Variants in EHMT1 observed in about 807,000 individuals in gnomAD.
EHMT1 encodes histone-lysine N-methyltransferase EHMT1.
A neutral mutation model predicts 147.2 loss-of-function variants in EHMT1; 15 were observed. The ratio of observed to expected loss-of-function variants is 0.10; its 90% CI spans 0.07 to 0.16. The LOEUF (loss-of-function observed/expected upper bound fraction) is 0.16, where lower values mean the gene tolerates loss of function less well. EHMT1 is among the 10% of genes least tolerant of loss of function. The pLI, the probability that EHMT1 is intolerant of heterozygous loss-of-function variation, is 1.00. For synonymous variants in EHMT1, 795 were observed against 709.6 expected (o/e 1.12, Z -1.91); for missense variants, 1,587 against 1,772.4 (o/e 0.90, Z 1.88).
intron 3 of EHMT1, among the ~76,000 whole-genome samples, chr9:137,718,064 G>A (rs981697257): frequency 6.9e-6 from 1 of 144,330 alleles, no homozygotes; most frequent in Non-Finnish European, 1.5e-5. Flanking sequence ...CACCCCTCAC[G>A]CACTGTGATG....
chr9:137,832,618 G>A, intron 25 of EHMT1: 1 of 154,894 alleles, frequency 6.5e-6, no homozygotes, highest in Non-Finnish European at 1.4e-5. Context: ...CTCCCACGTT[G>A]CCTATCTGCC....
At chr9:137,764,762 A>G (rs977062654) in intron 10 of EHMT1, 16 of 152,132 alleles carry the variant, frequency 1.1e-4, no homozygotes, top group African/African-American at 3.1e-4. Flanking sequence ...CATTAAATCA[A>G]TCTGCTGCAA....
chr9:137,735,080 A>G (rs950101731), intron 4 of EHMT1, among the ~76,000 whole-genome samples: 2 of 152,244 alleles, frequency 1.3e-5, no homozygotes, highest in Admixed American at 1.3e-4. Context: ...TTTCTGTAAG[A>G]TCTAAGAGAC....
At chr9:137,820,099 C>T (rs1463649693) in intron 25 of EHMT1, 1 of 152,250 alleles carries the variant, frequency 6.6e-6, no homozygotes, top group Non-Finnish European at 1.5e-5. Context: ...AGGCAGCCGT[C>T]TTCATAGCAG....
intron 2 of EHMT1, among the ~76,000 whole-genome samples, chr9:137,711,418 A>G (rs1361523644): frequency 6.6e-6 from 1 of 152,178 alleles, no homozygotes; most frequent in East Asian, 1.9e-4. Flanking sequence ...ACACAGTGGG[A>G]CAGCGGTCAG....
chr9:137,664,202 G>T (rs1939384182), intron 1 of EHMT1, among the ~76,000 whole-genome samples: 1 of 152,050 alleles, frequency 6.6e-6, no homozygotes, highest in South Asian at 2.1e-4. Context: ...ACTGAGCCTG[G>T]TGGTGTGTGT....
intron 1 of EHMT1, among the ~76,000 whole-genome samples, chr9:137,705,824 A>T (rs1288592967): frequency 2.0e-5 from 3 of 152,138 alleles, no homozygotes; most frequent in Admixed American, 6.5e-5. Context: ...TGGGGCTGTG[A>T]GGTCTGGACC....
intron 3 of EHMT1, among the ~76,000 whole-genome samples, chr9:137,721,661 C>G (rs949129794): frequency 2.0e-5 from 3 of 151,522 alleles, no homozygotes; most frequent in African/African-American, 7.3e-5. Context: ...TCCCTCCACG[C>G]CTCTCACGCT....
chr9:137,665,896 T>G (rs1939593196), intron 1 of EHMT1: 1 of 152,212 alleles, frequency 6.6e-6, no homozygotes, highest in Non-Finnish European at 1.5e-5. Context: ...AGCCTCCATT[T>G]CGTGAGATGG....
chr9:137,714,304 GTTTTC>G (rs770619457), intron 2 of EHMT1, among the ~76,000 whole-genome samples: 1 of 152,150 alleles, frequency 6.6e-6, no homozygotes, highest in Non-Finnish European at 1.5e-5. Context: ...GATTGAGGAA[GTTTTC>G]TTTTCTTAGC....
Position 137,650,666 on chromosome 9 carries a change from C to CTT in EHMT1, c.21+31636_21+31637dup, listed in dbSNP as rs75230304. ...CCCTTATCAGATATAGGACCCCCCGCTTTTTTTTTTTTTTTTTTTTGAGAC... is the reference window on the plus strand; with the variant it reads ...CCCTTATCAGATATAGGACCCCCCGCTTTTTTTTTTTTTTTTTTTTTTGAGAC... On this transcript the variant is annotated intron_variant, in intron 1 of 26. Transcript: ENST00000460843. Among the ~76,000 whole-genome samples, 319 of 121,554 alleles carry CTT rather than the reference C, an allele frequency of 2.6e-3. 9 individuals are homozygous for CTT. The highest frequency in any genetic ancestry group is 8.8e-3 in the African/African-American group (276 of 31,506). The allele number at this position is 121,554 out of a possible 152,430, so 79.7% of individuals were successfully genotyped here. A position where few individuals can be genotyped will look rare whatever the true frequency, so the allele number is the denominator to read the frequency against.
intron 8 of EHMT1, among the ~76,000 whole-genome samples, chr9:137,755,119 T>G (rs930822243): frequency 6.6e-6 from 1 of 152,144 alleles, no homozygotes; most frequent in Non-Finnish European, 1.5e-5. Flanking sequence ...AGAAATAAAT[T>G]ACACAATTTG....
chr9:137,763,838 T>G (rs1173946249), intron 10 of EHMT1: 1 of 152,366 alleles, frequency 6.6e-6, no homozygotes, highest in Non-Finnish European at 1.5e-5. Flanking sequence ...TGGCCTGCTG[T>G]GAGGAAGGCA....
rs62590780 is a variant in EHMT1, at chr9:137,813,443, C to G, written c.3093C>G (p.Ser1031Arg). 6.2e-7 allele frequency: 1 copy of G among 1,613,776 alleles called. No homozygotes were observed. The highest frequency in any genetic ancestry group is 8.5e-7 in the Non-Finnish European group (1 of 1,179,944). ...TCCCCTGTGTCAACGCCGTGGACAG[C>G]GAGCCATGCCCCAGCAACTACAAGT... is the stretch of plus-strand genomic sequence containing the variant. ...IPIPCVNAVDSEPCPSNYKYV... is the reference protein window; with the variant it reads ...IPIPCVNAVDREPCPSNYKYV... Residue 1031 changes from serine to arginine, a missense_variant, in exon 21 of 27, where the codon AGC (serine) becomes AGG (arginine). This residue lies in a region of EHMT1 where 156 missense variants were observed against 252.5 expected (regional missense o/e 0.62). Coordinates refer to ENST00000460843, the MANE Select transcript of EHMT1 (RefSeq NM_024757.5). This position sits in a 1 kb window ranked among gnomAD's most constrained non-coding sequence, Gnocchi z 4.9.
At chr9:137,652,586 A>G (rs562395105) in intron 1 of EHMT1, among the ~76,000 whole-genome samples, 1 of 150,416 alleles carries the variant, frequency 6.6e-6, no homozygotes, top group South Asian at 2.1e-4. Flanking sequence ...GGGTTTTGCC[A>G]TGTTAGCTAG....
chr9:137,803,813 T>G (rs1953699805), intron 18 of EHMT1, among the ~76,000 whole-genome samples: 1 of 149,130 alleles, frequency 6.7e-6, no homozygotes. Flanking sequence ...ATCGCACCAC[T>G]GCACCCCAGC....
At chr9:137,682,476 A>G (rs923470992) in intron 1 of EHMT1, among the ~76,000 whole-genome samples, 13 of 152,164 alleles carry the variant, frequency 8.5e-5, no homozygotes, top group African/African-American at 3.1e-4. Flanking sequence ...AGCCTGAACT[A>G]GCCAAGTTCA....
intron 4 of EHMT1, among the ~76,000 whole-genome samples, chr9:137,733,427 C>G (rs142538739): frequency 7.9e-5 from 12 of 152,354 alleles, no homozygotes; most frequent in African/African-American, 2.2e-4. Context: ...CATCTCCTCA[C>G]CTAGACAACA....
intron 4 of EHMT1, among the ~76,000 whole-genome samples, chr9:137,742,265 C>G (rs890535557): frequency 1.3e-5 from 2 of 150,112 alleles, no homozygotes; most frequent in Non-Finnish European, 3.0e-5. Flanking sequence ...CCAACTGTTG[C>G]TTCTGCACTT....
Sources: allele counts gnomAD v4.1 joint callset (sites outside exome capture counted in the v4.1 genomes callset), GRCh38; gene constraint gnomAD v4.1.1; regional missense constraint gnomAD v4.1.1; non-coding constraint Gnocchi (gnomAD v3.1); transcripts MANE v1.5; gene names NCBI Gene and HGNC (gene_info 2026-07-23, HGNC 2026-07-21).